The following MAPK8IP1 variants were observed in gnomAD, a reference collection of about 807,000 sequenced individuals.
MAPK8IP1 encodes C-Jun-amino-terminal kinase-interacting protein 1.
MAPK8IP1 carries 17 observed loss-of-function variants against 72.6 expected under a neutral mutation model. That is an observed-to-expected ratio of 0.23 (90% CI 0.16 to 0.35). The LOEUF is 0.35. Among genes scored for constraint, MAPK8IP1 ranks in the 10% least tolerant of loss-of-function variants. MAPK8IP1 has a pLI of 1.00. For missense variants in MAPK8IP1, 789 were observed against 1,009.7 expected, an observed-to-expected ratio of 0.78 and a Z score of 2.96; for synonymous variants, 401 against 443.4, an observed-to-expected ratio of 0.90 and a Z score of 1.20.
In MAPK8IP1 at chr11:45,903,375, C is replaced by A. The variant is rs779762522; in HGVS notation, c.1428C>A (p.Ser476=). Residue 476 remains serine, a synonymous_variant, in exon 6 of 12, where the codon TCC becomes TCA. Transcript: ENST00000241014. The surrounding 1 kb of genome is among the most constrained non-coding windows in gnomAD (Gnocchi z 6.4). ...CCACCTCACCTGCAGGTGCTGAGTCCTTCGGGCTGTTCTCCTGCATCATCA... is the reference window on the plus strand; with the variant it reads ...CCACCTCACCTGCAGGTGCTGAGTCATTCGGGCTGTTCTCCTGCATCATCA... ...SGRSRSSSAE[S]FGLFSCIING... is the part of the protein sequence containing the mutation. 3 of 1,613,800 alleles carry A rather than the reference C, an allele frequency of 1.9e-6. No individual in the cohort carries two copies. The highest frequency in any genetic ancestry group is 2.5e-6 in the Non-Finnish European group (3 of 1,179,994).
Position 45,904,943 on chromosome 11 carries a change from C to T in MAPK8IP1, c.1894-28C>T. 7.4e-6 allele frequency: 12 copies of T among 1,611,600 alleles called. No individual in the cohort carries two copies. The highest frequency in any genetic ancestry group is 9.3e-6 in the Non-Finnish European group (11 of 1,177,736). On this transcript the variant is annotated intron_variant, in intron 9 of 11. Transcript: ENST00000241014. The surrounding 1 kb of genome is among the most constrained non-coding windows in gnomAD (Gnocchi z 6.4). ...CCCTCACTGCAGGCCAGGTGACCGC[C>T]CTCTTGCTTCTTTTCTCCCTCCTGT...
At chr11:45,889,112 A>G (rs2086548146) in intron 1 of MAPK8IP1, among the ~76,000 whole-genome samples, 1 of 152,236 alleles carries the variant, frequency 6.6e-6, no homozygotes. Flanking sequence ...GCATAACGAA[A>G]TAGCTTGGGG....
In MAPK8IP1 at chr11:45,900,178, C is replaced by T; in HGVS notation, c.248C>T (p.Ala83Val). 7.6e-7 allele frequency: 1 copy of T among 1,313,264 alleles called. No homozygotes were observed. The highest frequency in any genetic ancestry group is 9.6e-7 in the Non-Finnish European group (1 of 1,038,432). The allele number at this position is 1,313,264 out of a possible 1,614,324, so 81.4% of individuals were successfully genotyped here. The part of the protein sequence containing the change: ...AGLLSAGGGG[A>V]GSRLQAEMLQ... The stretch of plus-strand genomic sequence containing the variant: ...CTGCTCTCTGCGGGCGGCGGCGGCG[C>T]GGGGAGCCGGTTGCAGGCCGAGATG... The change falls in exon 3 of 12, where the codon GCG becomes GTG. Residue 83 changes from alanine (A) to valine (V), a missense_variant. This residue lies in a region of MAPK8IP1 where 112 missense variants were observed against 192.8 expected (regional missense o/e 0.58). Transcript: ENST00000241014. This position sits in a 1 kb window ranked among gnomAD's most constrained non-coding sequence, Gnocchi z 6.5.
At chr11:45,899,634 G>C (rs2086633961) in intron 2 of MAPK8IP1, among the ~76,000 whole-genome samples, 1 of 152,126 alleles carries the variant, frequency 6.6e-6, no homozygotes, top group Admixed American at 6.5e-5. Context: ...CCTGGCCCCC[G>C]CTCGCCCCTC....
Position 45,903,333 on chromosome 11 carries a change from C to T in MAPK8IP1, c.1418-32C>T. ...CGCTAAACCTGGATCAGAGCTGCGA[C>T]CCCCCATCCAGCCACACCACCTCAC... On this transcript the variant is annotated intron_variant, in intron 5 of 11. Coordinates refer to ENST00000241014, the MANE Select transcript of MAPK8IP1 (RefSeq NM_005456.4). This position sits in a 1 kb window ranked among gnomAD's most constrained non-coding sequence, Gnocchi z 6.4. 1 of 1,606,880 alleles carries T rather than the reference C, an allele frequency of 6.2e-7. No individual in the cohort carries two copies. The highest frequency in any genetic ancestry group is 8.5e-7 in the Non-Finnish European group (1 of 1,174,316).
rs745405622 is a variant in MAPK8IP1 at position 45,904,507 on chromosome 11, C to T, written c.1719C>T (p.Gly573=). The part of the protein sequence containing the change: ...WVDQFRVKFL[G]SVQVPYHKGN... ...ACCAGTTCCGGGTGAAGTTCCTGGG[C>T]TCAGTCCAGGTTCCCTATCACAAGG... The change falls in exon 8 of 12, where the codon GGC becomes GGT. Residue 573 remains glycine, a synonymous_variant. Coordinates refer to ENST00000241014, the MANE Select transcript of MAPK8IP1 (RefSeq NM_005456.4). This position sits in a 1 kb window ranked among gnomAD's most constrained non-coding sequence, Gnocchi z 6.4. 2.5e-6 allele frequency: 4 copies of T among 1,614,108 alleles called. No homozygotes were observed. Among genetic ancestry groups the T allele is most frequent in the East Asian group, 2.2e-5 (1 of 44,894 alleles).
In MAPK8IP1 at chr11:45,900,176, C is replaced by T. The variant is rs914340775; in HGVS notation, c.246C>T (p.Gly82=). The change falls in exon 3 of 12, where the codon GGC becomes GGT. Residue 82 remains glycine, a synonymous_variant. Coordinates refer to ENST00000241014, the MANE Select transcript of MAPK8IP1 (RefSeq NM_005456.4). This position sits in a 1 kb window ranked among gnomAD's most constrained non-coding sequence, Gnocchi z 6.5. ...RAGLLSAGGG[G]AGSRLQAEML... ...GGCTGCTCTCTGCGGGCGGCGGCGG[C>T]GCGGGGAGCCGGTTGCAGGCCGAGA... 8.4e-6 allele frequency: 11 copies of T among 1,312,286 alleles called. No homozygotes were observed. The African/African-American group carries it at 1.6e-4, about 19-fold the overall frequency. The allele number at this position is 1,312,286 out of a possible 1,614,324, so 81.3% of individuals were successfully genotyped here. A position where few individuals can be genotyped will look rare whatever the true frequency, so the allele number is the denominator to read the frequency against.
At position 45,902,250 on chromosome 11, in the gene MAPK8IP1, G is replaced by A. The variant is rs1343128811; in HGVS notation, c.605-122G>A. The A allele has an allele frequency of 1.8e-5, 18 of 1,016,542 alleles. No homozygotes were observed. In the East Asian group the frequency reaches 2.8e-4, roughly 16 times the overall value. The allele number at this position is 1,016,542 out of a possible 1,614,324, so 63.0% of individuals were successfully genotyped here. A position where few individuals can be genotyped will look rare whatever the true frequency, so the allele number is the denominator to read the frequency against. ...TGAGTTGACTGGCCCCAGAGCCTGCGAAGGGCCTGTTGCCCAGGGAGGCTT... is the reference window on the plus strand; with the variant it reads ...TGAGTTGACTGGCCCCAGAGCCTGCAAAGGGCCTGTTGCCCAGGGAGGCTT... On this transcript the variant is annotated intron_variant, in intron 4 of 11. Coordinates refer to ENST00000241014, the MANE Select transcript of MAPK8IP1 (RefSeq NM_005456.4). This position sits in a 1 kb window ranked among gnomAD's most constrained non-coding sequence, Gnocchi z 9.3.
Position 45,900,502 on chromosome 11 carries a change from AG to A in MAPK8IP1, c.522+55del. 1 of 1,522,458 alleles carries A rather than the reference AG, an allele frequency of 6.6e-7. No individual in the cohort carries two copies. The highest frequency in any genetic ancestry group is 2.0e-5 in the Admixed American group (1 of 50,260). The allele number at this position is 1,522,458 out of a possible 1,614,324, so 94.3% of individuals were successfully genotyped here. A position where few individuals can be genotyped will look rare whatever the true frequency, so the allele number is the denominator to read the frequency against. ...CGCCCTGGGCCGCCGCGGAGATGTG[AG>A]GGGGAGCGCAGAGGGGCTGCAGCGG... On this transcript the variant is annotated intron_variant, in intron 3 of 11. Coordinates refer to ENST00000241014, the MANE Select transcript of MAPK8IP1 (RefSeq NM_005456.4). This position sits in a 1 kb window ranked among gnomAD's most constrained non-coding sequence, Gnocchi z 6.5.
Position 45,903,246 on chromosome 11 carries a change from C to G in MAPK8IP1, c.1417+62C>G, listed in dbSNP as rs1387972418. 52 of 1,584,192 alleles carry G rather than the reference C, an allele frequency of 3.3e-5. No individual in the cohort carries two copies. The highest frequency in any genetic ancestry group is 4.4e-5 in the Non-Finnish European group (51 of 1,162,348). ...CCCTAGCGGGGGCAGAGCCAAAATG[C>G]GAAGTGTTCTGGGAGGCGACCCCAG... is the stretch of plus-strand genomic sequence containing the variant. On this transcript the variant is annotated intron_variant, in intron 5 of 11. Transcript: ENST00000241014. This position sits in a 1 kb window ranked among gnomAD's most constrained non-coding sequence, Gnocchi z 6.4.
chr11:45,906,117 G>A lies in MAPK8IP1; in HGVS notation c.*396G>A. ...CCCGTGTCCTGCCTTGATGAAGCCT[G>A]TGCCACCTGCAAGTGCCCGCCCTGC... On this transcript the variant is annotated 3_prime_UTR_variant, in exon 12 of 12. Coordinates refer to ENST00000241014, the MANE Select transcript of MAPK8IP1 (RefSeq NM_005456.4). 7.8e-6 allele frequency: 3 copies of A among 386,494 alleles called. No homozygotes were observed. The South Asian group carries it at 9.8e-5, about 13-fold the overall frequency. The allele number at this position is 386,494 out of a possible 1,614,324, so 23.9% of individuals were successfully genotyped here.
rs200861362 is a variant in MAPK8IP1 at position 45,904,853 on chromosome 11, G to T, written c.1893+19G>T. Reference sequence around the variant, plus strand: ...GGCCAAGGTGACTTCTTCCAACCCAGCCCCTTCCTTCCATGGCCCCAAGCT... The same window carrying T: ...GGCCAAGGTGACTTCTTCCAACCCATCCCCTTCCTTCCATGGCCCCAAGCT... On this transcript the variant is annotated intron_variant, in intron 9 of 11. Coordinates refer to ENST00000241014, the MANE Select transcript of MAPK8IP1 (RefSeq NM_005456.4). The surrounding 1 kb of genome is among the most constrained non-coding windows in gnomAD (Gnocchi z 6.4). 4.3e-6 allele frequency: 7 copies of T among 1,612,786 alleles called. No homozygotes were observed. In the Admixed American group the frequency reaches 5.0e-5, roughly 12 times the overall value.
Position 45,903,117 on chromosome 11 carries a change from T to G in MAPK8IP1, c.1350T>G (p.Asp450Glu). 1 of 1,609,888 alleles carries G rather than the reference T, an allele frequency of 6.2e-7. No individual in the cohort carries two copies. Among genetic ancestry groups the G allele is most frequent in the Non-Finnish European group, 8.5e-7 (1 of 1,178,748 alleles). The change falls in exon 5 of 12, where the codon GAT becomes GAG. Residue 450 changes from aspartate to glutamate, a missense_variant. Physicochemically the swap from Asp to Glu is conservative, Grantham distance 45. Around this residue, in one of 4 missense-constraint regions of MAPK8IP1, gnomAD observed 377 missense variants for 411.7 expected, o/e 0.92. Coordinates refer to ENST00000241014, the MANE Select transcript of MAPK8IP1 (RefSeq NM_005456.4). The surrounding 1 kb of genome is among the most constrained non-coding windows in gnomAD (Gnocchi z 6.4). ...PACLSEDSTP[D>E]EPDVHFSKKF... ...GCCTCTCCGAGGACTCCACGCCTGA[T>G]GAACCCGACGTCCATTTCTCCAAGA...
At position 45,906,446 on chromosome 11, in the gene MAPK8IP1, A is replaced by G; in HGVS notation, c.*725A>G. The stretch of plus-strand genomic sequence containing the variant: ...CTGTCACCCTGGCCCCAACTATTAA[A>G]GTGCCATTTCCTGTCTGGACTGCAG... On this transcript the variant is annotated 3_prime_UTR_variant, in exon 12 of 12. Coordinates refer to ENST00000241014, the MANE Select transcript of MAPK8IP1 (RefSeq NM_005456.4). 1 of 1,275,670 alleles carries G rather than the reference A, an allele frequency of 7.8e-7. No individual in the cohort carries two copies. The highest frequency in any genetic ancestry group is 1.0e-6 in the Non-Finnish European group (1 of 956,966). 79.0% of individuals were successfully genotyped at this position (1,275,670 alleles called of 1,614,324 possible).
At chr11:45,898,314 G>A in intron 2 of MAPK8IP1, 124 bp downstream of exon 2, 1 of 674,508 alleles carries the variant, frequency 1.5e-6, no homozygotes, top group Non-Finnish European at 2.7e-6. Context: ...GAAATGAAAT[G>A]ATGTGCAAGA....
Position 45,906,428 on chromosome 11 carries a change from C to A in MAPK8IP1, c.*707C>A. 8.6e-7 allele frequency: 1 copy of A among 1,160,954 alleles called. No individual in the cohort carries two copies. The highest frequency in any genetic ancestry group is 1.2e-6 in the Non-Finnish European group (1 of 858,150). The allele number at this position is 1,160,954 out of a possible 1,614,324, so 71.9% of individuals were successfully genotyped here. A position where few individuals can be genotyped will look rare whatever the true frequency, so the allele number is the denominator to read the frequency against. ...GCCAGCCCCATCTTGGTCCTGTCAC[C>A]CTGGCCCCAACTATTAAAGTGCCAT... is the stretch of plus-strand genomic sequence containing the variant. On this transcript the variant is annotated 3_prime_UTR_variant, in exon 12 of 12. Coordinates refer to ENST00000241014, the MANE Select transcript of MAPK8IP1 (RefSeq NM_005456.4).
At position 45,900,186 on chromosome 11, in the gene MAPK8IP1, C is replaced by A. The variant is rs924695846; in HGVS notation, c.256C>A (p.Arg86=). 15 of 1,315,292 alleles carry A rather than the reference C, an allele frequency of 1.1e-5. No homozygotes were observed. The African/African-American group carries it at 2.2e-4, about 19-fold the overall frequency. 81.5% of individuals were successfully genotyped at this position (1,315,292 alleles called of 1,614,324 possible). ...TGCGGGCGGCGGCGGCGCGGGGAGC[C>A]GGTTGCAGGCCGAGATGCTGCAGAT... ...LSAGGGGAGS[R]LQAEMLQMDL... The change falls in exon 3 of 12, where the codon CGG becomes AGG. Residue 86 remains arginine, a synonymous_variant. Transcript: ENST00000241014. The surrounding 1 kb of genome is among the most constrained non-coding windows in gnomAD (Gnocchi z 6.5).
At chr11:45,896,768 C>T (rs1272015897) in intron 1 of MAPK8IP1, 10 of 1,504,758 alleles carry the variant, frequency 6.6e-6, no homozygotes, top group African/African-American at 1.4e-5. Context: ...CAGGCCCAAG[C>T]GGTGGAGGCC....
Position 45,905,862 on chromosome 11 carries a change from A to G in MAPK8IP1, c.*141A>G. The G allele has an allele frequency of 1.7e-6, 1 of 588,948 alleles. No individual in the cohort carries two copies. Among genetic ancestry groups the G allele is most frequent in the Non-Finnish European group, 3.1e-6 (1 of 319,990 alleles). 36.5% of individuals were successfully genotyped at this position (588,948 alleles called of 1,614,324 possible). A position where few individuals can be genotyped will look rare whatever the true frequency, so the allele number is the denominator to read the frequency against. On this transcript the variant is annotated 3_prime_UTR_variant, in exon 12 of 12. Coordinates refer to ENST00000241014, the MANE Select transcript of MAPK8IP1 (RefSeq NM_005456.4). ...GAAGTGGGGGCCGCTGGCCCAGGGTAGGGGAGGGTGGGGCAATGGGGAGAG... is the reference window on the plus strand; with the variant it reads ...GAAGTGGGGGCCGCTGGCCCAGGGTGGGGGAGGGTGGGGCAATGGGGAGAG...
Sources: gnomAD v4.1 joint callset for allele counts (sites outside exome capture counted in the v4.1 genomes callset) on GRCh38, gnomAD v4.1.1 for gene constraint, gnomAD v4.1.1 regional missense constraint, Gnocchi (gnomAD v3.1) non-coding constraint, MANE v1.5 for transcripts, NCBI Gene and HGNC (gene_info 2026-07-23, HGNC 2026-07-21) for gene names.